Variants in FGF9 observed in about 807,000 individuals in gnomAD.
The protein encoded by FGF9 is fibroblast growth factor 9, also known as fibroblast growth factor 9 (glia-activating factor).
In FGF9, 3 loss-of-function variants were observed where a neutral mutation model predicts 19.9. The observed-to-expected ratio is 0.15, with a 90% confidence interval of 0.07 to 0.39. The LOEUF (loss-of-function observed/expected upper bound fraction) is 0.39, where lower values mean the gene tolerates loss of function less well. Among genes scored for constraint, FGF9 ranks in the 10% least tolerant of loss-of-function variants. The probability of loss-of-function intolerance (pLI) is 1.00; values close to 1 mark genes in which losing one functional copy is unlikely to be tolerated. For missense variants in FGF9, 175 were observed against 256.8 expected (o/e 0.68, Z 2.18); for synonymous variants, 107 against 106.9 (o/e 1.00, Z -0.01).
chr13:21,686,186 G>A (rs890786889), intron 2 of FGF9, among the ~76,000 whole-genome samples: 2 of 152,188 alleles, frequency 1.3e-5, no homozygotes, highest in African/African-American at 4.8e-5. Flanking sequence ...GTGCCACCAA[G>A]CCTGGCTAAT....
At chr13:21,679,194 T>C (rs947304820) in intron 1 of FGF9, among the ~76,000 whole-genome samples, 8 of 152,240 alleles carry the variant, frequency 5.3e-5, no homozygotes, top group African/African-American at 1.9e-4. Flanking sequence ...TTTGATATAC[T>C]GTTTAACATC....
intron 1 of FGF9, among the ~76,000 whole-genome samples, chr13:21,673,561 A>T (rs1171658858): frequency 6.6e-6 from 1 of 152,062 alleles, no homozygotes; most frequent in African/African-American, 2.4e-5. Flanking sequence ...TCCCCTCCCC[A>T]CCCCAGAAGT....
chr13:21,685,505 A>G (rs1338994842), intron 2 of FGF9, among the ~76,000 whole-genome samples: 7 of 152,240 alleles, frequency 4.6e-5, no homozygotes, highest in Non-Finnish European at 1.0e-4. Flanking sequence ...GCTAATGAGT[A>G]TAACGATTTG....
chr13:21,698,407 G>C lies in FGF9; in HGVS notation c.382-2783G>C, dbSNP rs17070667. On this transcript the variant is annotated intron_variant, in intron 2 of 2. Transcript: ENST00000382353. ...ACTGTTGTTGACTGGGAGCTTCCTC[G>C]GTGTTCAGCACTGCTCTCTGATTGG... Among the ~76,000 whole-genome samples the C allele has an allele frequency of 1.6e-3, 241 of 152,244 alleles. 1 individual carries two copies. The Middle Eastern group carries it at 0.037, about 24-fold the overall frequency.
rs9509841 is a variant in FGF9, at chr13:21,701,255, A to G, written c.447A>G (p.Ser149=). Residue 149 remains serine, a synonymous_variant, in exon 3 of 3, where the codon TCA becomes TCG. Transcript: ENST00000382353. ...QFEENWYNTY[S]SNLYKHVDTG... ...AAGAAAACTGGTATAATACGTACTC[A>G]TCAAACCTATATAAGCACGTGGACA... 0.83 allele frequency: 1,337,665 copies of G among 1,613,372 alleles called. 557,008 individuals carry two copies. The highest frequency in any genetic ancestry group is 0.97 in the East Asian group (43,713 of 44,850).
chr13:21,685,426 A>G (rs989080868), intron 2 of FGF9, among the ~76,000 whole-genome samples: 30 of 152,318 alleles, frequency 2.0e-4, no homozygotes, highest in African/African-American at 6.7e-4. Context: ...AAATGGGTTA[A>G]TACTTCTTCA....
chr13:21,679,937 A>G (rs961873580), intron 1 of FGF9, among the ~76,000 whole-genome samples: 24 of 149,752 alleles, frequency 1.6e-4, no homozygotes, highest in African/African-American at 6.0e-4. Flanking sequence ...AGCCTGGGCA[A>G]CAGAGTAAGA....
chr13:21,695,164 A>G (rs1280024338), intron 2 of FGF9, among the ~76,000 whole-genome samples: 1 of 151,928 alleles, frequency 6.6e-6, no homozygotes, highest in Non-Finnish European at 1.5e-5. Flanking sequence ...GTTCCCAAAT[A>G]TTGACGTAAG....
rs1381637154 is a variant in FGF9, at chr13:21,672,905, G to C, written c.277+716G>C. ...GTGCAGCCCTGTGTAGGTCTCCTGCGTGGCTCTCTGGTGTGAGTGTGTGCG... is the reference window on the plus strand; with the variant it reads ...GTGCAGCCCTGTGTAGGTCTCCTGCCTGGCTCTCTGGTGTGAGTGTGTGCG... On this transcript the variant is annotated intron_variant, in intron 1 of 2. Coordinates refer to ENST00000382353, the MANE Select transcript of FGF9 (RefSeq NM_002010.3). This position sits in a 1 kb window ranked among gnomAD's most constrained non-coding sequence, Gnocchi z 4.2. Among the ~76,000 whole-genome samples the C allele has an allele frequency of 6.6e-6, 1 of 152,144 alleles. No individual in the cohort carries two copies. The highest frequency in any genetic ancestry group is 2.4e-5 in the African/African-American group (1 of 41,418).
intron 2 of FGF9, among the ~76,000 whole-genome samples, chr13:21,695,729 C>A (rs1872392052): frequency 6.6e-6 from 1 of 152,152 alleles, no homozygotes. Context: ...GGGAGGTTTA[C>A]AATATCATGA....
rs1871766480 is a variant in FGF9, at chr13:21,671,532, T to G, written c.-381T>G. On this transcript the variant is annotated 5_prime_UTR_variant, in exon 1 of 3. The change abolishes an upstream ATG in the 5' untranslated region. Transcript: ENST00000382353. ...TAACGCCTAGGCATTTAAGTTGCTA[T>G]GGTCATTCTGATCTCAAACCAAATG... The G allele has an allele frequency of 3.9e-6, 2 of 510,926 alleles. No homozygotes were observed. The highest frequency in any genetic ancestry group is 6.8e-6 in the Non-Finnish European group (2 of 292,490). The allele number at this position is 510,926 out of a possible 1,614,324, so 31.6% of individuals were successfully genotyped here.
chr13:21,681,217 A>T, intron 2 of FGF9, 72 bp downstream of exon 2: 1 of 1,142,208 alleles, frequency 8.8e-7, no homozygotes, highest in Non-Finnish European at 1.3e-6. Flanking sequence ...TCTCTGGATT[A>T]AAAAGGGCCA....
Position 21,691,515 on chromosome 13 carries a change from C to CCTG in FGF9, c.382-9675_382-9674insCTG, listed in dbSNP as rs1872289736. 6.6e-6 allele frequency among the ~76,000 whole-genome samples: 1 copy of CCTG among 152,220 alleles called. No individual in the cohort carries two copies. Among genetic ancestry groups the CCTG allele is most frequent in the Admixed American group, 6.5e-5 (1 of 15,288 alleles). On this transcript the variant is annotated intron_variant, in intron 2 of 2. Transcript: ENST00000382353. The surrounding 1 kb of genome is among the most constrained non-coding windows in gnomAD (Gnocchi z 4.2). ...TTTCCTCTGTCCCTGCCTCATCTGC[C>CCTG]TCATCTTGTCTCTGCTTCTGTTTAT... is the stretch of plus-strand genomic sequence containing the variant.
At chr13:21,697,846 G>A (rs572241938) in intron 2 of FGF9, among the ~76,000 whole-genome samples, 9 of 145,946 alleles carry the variant, frequency 6.2e-5, no homozygotes, top group Non-Finnish European at 1.0e-4. Flanking sequence ...TCTCTCTGTC[G>A]CCCAGGCTGG....
chr13:21,691,979 C>CTT lies in FGF9; in HGVS notation c.382-9198_382-9197dup, dbSNP rs11439016. Among the ~76,000 whole-genome samples, 198 of 145,334 alleles carry CTT rather than the reference C, an allele frequency of 1.4e-3. 1 individual carries two copies. The highest frequency in any genetic ancestry group is 4.8e-3 in the South Asian group (22 of 4,562). ...TGACATTAATTGATTCCCTTTTAAT[C>CTT]TTTTTTTTTTTTTTGTAATTCTTCA... On this transcript the variant is annotated intron_variant, in intron 2 of 2. Transcript: ENST00000382353. This position sits in a 1 kb window ranked among gnomAD's most constrained non-coding sequence, Gnocchi z 4.2.
rs767072297 is a variant in FGF9, at chr13:21,703,367, G to A, written c.*1932G>A. 7 of 152,286 alleles carry A rather than the reference G, an allele frequency of 4.6e-5. No homozygotes were observed. The highest frequency in any genetic ancestry group is 1.0e-4 in the Non-Finnish European group (7 of 68,028). 9.4% of individuals were successfully genotyped at this position (152,286 alleles called of 1,614,324 possible). On this transcript the variant is annotated 3_prime_UTR_variant, in exon 3 of 3. Coordinates refer to ENST00000382353, the MANE Select transcript of FGF9 (RefSeq NM_002010.3). ...TCTGTGGTCCAAGTTGGAGTACATG[G>A]CAATGCCCTCCTGCTGATGTGCATT...
chr13:21,695,579 A>G (rs1455527279), intron 2 of FGF9, among the ~76,000 whole-genome samples: 2 of 152,124 alleles, frequency 1.3e-5, no homozygotes, highest in African/African-American at 4.8e-5. Flanking sequence ...ATGAGAGGAG[A>G]GTGAAAAGAC....
At chr13:21,680,816 T>G (rs995748399) in intron 1 of FGF9, among the ~76,000 whole-genome samples, 1 of 152,222 alleles carries the variant, frequency 6.6e-6, no homozygotes, top group Non-Finnish European at 1.5e-5. Flanking sequence ...TTTGTGTAAG[T>G]CATGTTGGTA....
chr13:21,697,971 C>T (rs1490717485), intron 2 of FGF9, among the ~76,000 whole-genome samples: 1 of 152,024 alleles, frequency 6.6e-6, no homozygotes, highest in African/African-American at 2.4e-5. Context: ...CCTCGCCTGG[C>T]TAATATTTTT....
Sources: allele counts gnomAD v4.1 joint callset (sites outside exome capture counted in the v4.1 genomes callset), GRCh38; gene constraint gnomAD v4.1.1; non-coding constraint Gnocchi (gnomAD v3.1); transcripts MANE v1.5; gene names NCBI Gene and HGNC (gene_info 2026-07-23, HGNC 2026-07-21).